Variants in NUP153 observed in about 807,000 individuals in gnomAD.
NUP153 encodes the protein nucleoporin 153.
NUP153 carries 27 observed loss-of-function variants against 134.6 expected under a neutral mutation model. That is an observed-to-expected ratio of 0.20 (90% CI 0.15 to 0.28). The LOEUF (loss-of-function observed/expected upper bound fraction) is 0.28. Ranked by LOEUF, NUP153 falls within the 10% of genes least tolerant of loss-of-function variation. The probability of loss-of-function intolerance (pLI) is 1.00; values close to 1 mark genes in which losing one functional copy is unlikely to be tolerated. For synonymous variants in NUP153, 640 were observed against 623.5 expected (o/e 1.03, Z -0.40); for missense variants, 1,821 against 1,731.3 (o/e 1.05, Z -0.92).
chr6:17,689,601 ATCTC>A (rs1769158998), intron 1 of NUP153, among the ~76,000 whole-genome samples: 1 of 149,874 alleles, frequency 6.7e-6, no homozygotes, highest in East Asian at 2.0e-4. Context: ...CAACGGTGCG[ATCTC>A]GGCTCACCAC....
chr6:17,698,804 C>T (rs1329021835), intron 1 of NUP153, among the ~76,000 whole-genome samples: 1 of 149,144 alleles, frequency 6.7e-6, no homozygotes, highest in Non-Finnish European at 1.5e-5. Context: ...CAGAGCGGGG[C>T]GGAGGTTGCA....
intron 8 of NUP153, among the ~76,000 whole-genome samples, chr6:17,667,885 A>G (rs1178265519): frequency 6.6e-6 from 1 of 152,108 alleles, no homozygotes; most frequent in African/African-American, 2.4e-5. Context: ...GGATATATTA[A>G]AAGGGCAGCA....
chr6:17,684,317 G>T (rs1422844415), intron 2 of NUP153, among the ~76,000 whole-genome samples: 1 of 152,158 alleles, frequency 6.6e-6, no homozygotes. Flanking sequence ...AGCACTTGTT[G>T]CTTCACCTTG....
In NUP153 at chr6:17,635,275, A is replaced by G. The variant is rs1223531193; in HGVS notation, c.2464+1878T>C. Among the ~76,000 whole-genome samples, 6 of 151,952 alleles carry G rather than the reference A, an allele frequency of 3.9e-5. 1 individual carries two copies. The East Asian group carries it at 9.7e-4, about 25-fold the overall frequency. On this transcript the variant is annotated intron_variant, in intron 16 of 21. Transcript: ENST00000262077. ...CAGGCACCCGCCACCACACCCGGCT[A>G]ATTTTTTGTATTGTTAGTAGAGACA...
chr6:17,648,645 T>A (rs539480875), intron 12 of NUP153, among the ~76,000 whole-genome samples: 108 of 150,296 alleles, frequency 7.2e-4, no homozygotes, highest in Non-Finnish European at 1.1e-3. Flanking sequence ...TAAAAAAAAA[T>A]TTTTTTAATT....
chr6:17,650,308 G>A (rs939682005), intron 11 of NUP153, among the ~76,000 whole-genome samples: 36 of 152,104 alleles, frequency 2.4e-4, no homozygotes, highest in Non-Finnish European at 3.2e-4. Context: ...AACAGCAAAC[G>A]TGTTAACTGA....
At chr6:17,689,304 T>C (rs1268726593) in intron 1 of NUP153, among the ~76,000 whole-genome samples, 1 of 151,914 alleles carries the variant, frequency 6.6e-6, no homozygotes, top group Non-Finnish European at 1.5e-5. Context: ...GGAGAATCAC[T>C]TATATCCAGG....
chr6:17,619,333 C>G (rs1220153196), intron 20 of NUP153, among the ~76,000 whole-genome samples: 1 of 152,152 alleles, frequency 6.6e-6, no homozygotes, highest in Non-Finnish European at 1.5e-5. Flanking sequence ...CCTCAAGAAT[C>G]ACTGGAAGAT....
chr6:17,649,293 T>G lies in NUP153; in HGVS notation c.1403A>C (p.Glu468Ala). ...ASKPLEEEEM[E>A]VPVLPKISLP... is the part of the protein sequence containing the mutation. The stretch of plus-strand genomic sequence containing the variant: ...AGAGATTTTCGGTAATACTGGAACT[T>G]CCATTTCCTAAAACATAACATGTTG... The change falls in exon 12 of 22, where the codon GAA becomes GCA. Residue 468 changes from glutamate to alanine, a missense_variant. Transcript: ENST00000262077. 6.2e-7 allele frequency: 1 copy of G among 1,610,284 alleles called. No homozygotes were observed. The highest frequency in any genetic ancestry group is 2.2e-5 in the East Asian group (1 of 44,806).
At chr6:17,667,581 A>T (rs1036933104) in intron 8 of NUP153, among the ~76,000 whole-genome samples, 2 of 152,002 alleles carry the variant, frequency 1.3e-5, no homozygotes, top group African/African-American at 4.8e-5. Flanking sequence ...AGGCATGGTG[A>T]TAGGCGCCTG....
chr6:17,683,211 T>C (rs1331871909), intron 2 of NUP153, among the ~76,000 whole-genome samples: 1 of 152,160 alleles, frequency 6.6e-6, no homozygotes, highest in African/African-American at 2.4e-5. Context: ...TCCCCCAAAT[T>C]AGCCTTGACT....
Position 17,615,795 on chromosome 6 carries a change from A to C in NUP153, c.*302T>G. The C allele has an allele frequency of 3.3e-6, 1 of 301,024 alleles. No individual in the cohort carries two copies. Among genetic ancestry groups the C allele is most frequent in the East Asian group, 6.6e-5 (1 of 15,142 alleles). 18.6% of individuals were successfully genotyped at this position (301,024 alleles called of 1,614,324 possible). A position where few individuals can be genotyped will look rare whatever the true frequency, so the allele number is the denominator to read the frequency against. On this transcript the variant is annotated 3_prime_UTR_variant, in exon 22 of 22. Coordinates refer to ENST00000262077, the MANE Select transcript of NUP153 (RefSeq NM_005124.4). The surrounding 1 kb of genome is among the most constrained non-coding windows in gnomAD (Gnocchi z 5.7). ...AGACAAAGAGGTTCTATACAAAGCC[A>C]TTCACCGTGCAGGCTCCATTCCTGG... is the stretch of plus-strand genomic sequence containing the variant.
chr6:17,661,704 C>T lies in NUP153; in HGVS notation c.1344G>A (p.Lys448=), dbSNP rs1438067181. The T allele has an allele frequency of 6.2e-7, 1 of 1,613,948 alleles. No homozygotes were observed. The highest frequency in any genetic ancestry group is 2.2e-5 in the East Asian group (1 of 44,884). The change falls in exon 11 of 22, where the codon AAG becomes AAA. Residue 448 remains lysine, a synonymous_variant. Coordinates refer to ENST00000262077, the MANE Select transcript of NUP153 (RefSeq NM_005124.4). ...LSSGVGGGGG[K]MRRERTRFVA... Reference sequence around the variant, plus strand: ...CAAAGCGTGTTCTTTCTCGTCTCATCTTGCCACCTCCACCACCTACTCCAG... The same window carrying T: ...CAAAGCGTGTTCTTTCTCGTCTCATTTTGCCACCTCCACCACCTACTCCAG...
In NUP153 at chr6:17,616,618, C is replaced by T; in HGVS notation, c.4252G>A (p.Gly1418Ser). 6.2e-7 allele frequency: 1 copy of T among 1,614,108 alleles called. No individual in the cohort carries two copies. Reference sequence around the variant, plus strand: ...GCTGCAGGTGTGCTAGAATTTGCACCAAATGTGAACACTCCTGATGGACTG... The same window carrying T: ...GCTGCAGGTGTGCTAGAATTTGCACTAAATGTGAACACTCCTGATGGACTG... ...NNSPSGVFTF[G>S]ANSSTPAASA... Residue 1418 changes from glycine (G) to serine (S), a missense_variant, in exon 21 of 22, where the codon GGT (glycine) becomes AGT (serine). Transcript: ENST00000262077.
At chr6:17,682,433 T>C (rs927292023) in intron 2 of NUP153, among the ~76,000 whole-genome samples, 3 of 152,192 alleles carry the variant, frequency 2.0e-5, no homozygotes, top group Non-Finnish European at 4.4e-5. Flanking sequence ...CGACTGACTA[T>C]TCCTTTAACG....
intron 2 of NUP153, among the ~76,000 whole-genome samples, chr6:17,681,758 C>T (rs1561900733): frequency 6.6e-6 from 1 of 152,136 alleles, no homozygotes; most frequent in Non-Finnish European, 1.5e-5. Context: ...TCCAATATTA[C>T]TGTAGTATAT....
chr6:17,634,716 C>T (rs1297692227), intron 16 of NUP153, among the ~76,000 whole-genome samples: 5 of 152,178 alleles, frequency 3.3e-5, no homozygotes, highest in Admixed American at 1.3e-4. Context: ...GGATTACAGA[C>T]GTGAGCCACC....
chr6:17,686,262 C>G (rs1397167338), intron 2 of NUP153, among the ~76,000 whole-genome samples: 1 of 152,060 alleles, frequency 6.6e-6, no homozygotes, highest in Non-Finnish European at 1.5e-5. Context: ...GATGATAGCT[C>G]CATGGATGTT....
chr6:17,685,758 A>G (rs965032105), intron 2 of NUP153, among the ~76,000 whole-genome samples: 4 of 152,094 alleles, frequency 2.6e-5, no homozygotes, highest in African/African-American at 9.7e-5. Flanking sequence ...TCTATAGAAT[A>G]CTATACTTGG....
Sources: gnomAD v4.1 joint callset for allele counts (sites outside exome capture counted in the v4.1 genomes callset) on GRCh38, gnomAD v4.1.1 for gene constraint, Gnocchi (gnomAD v3.1) non-coding constraint, MANE v1.5 for transcripts, NCBI Gene and HGNC (gene_info 2026-07-23, HGNC 2026-07-21) for gene names.